Variants in APBB1IP observed in about 807,000 individuals in gnomAD.
APBB1IP encodes the protein amyloid beta precursor protein binding family B member 1 interacting protein.
APBB1IP carries 27 observed loss-of-function variants against 64.9 expected under a neutral mutation model. The ratio of observed to expected loss-of-function variants is 0.42; its 90% CI spans 0.31 to 0.57. APBB1IP has a LOEUF of 0.57. APBB1IP is among the 20% of genes least tolerant of loss of function. The pLI is 0.20. For missense variants in APBB1IP, 812 were observed against 845.5 expected (o/e 0.96, Z 0.49); for synonymous variants, 392 against 331.0 (o/e 1.18, Z -2.00).
In APBB1IP at chr10:26,522,187, T is replaced by C. The variant is rs117190543; in HGVS notation, c.813+8527T>C. On this transcript the variant is annotated intron_variant, in intron 8 of 14. Coordinates refer to ENST00000376236, the MANE Select transcript of APBB1IP (RefSeq NM_019043.4). Reference sequence around the variant, plus strand: ...CACCATCATCTTTTTAAGAAGCACATGAATAAGTTTTTATTTTTTTTATAG... The same window carrying C: ...CACCATCATCTTTTTAAGAAGCACACGAATAAGTTTTTATTTTTTTTATAG... 4.0e-3 allele frequency among the ~76,000 whole-genome samples: 547 copies of C among 136,446 alleles called. 3 individuals carry two copies. The highest frequency in any genetic ancestry group is 6.6e-3 in the Non-Finnish European group (420 of 63,192). The allele number at this position is 136,446 out of a possible 152,430, so 89.5% of individuals were successfully genotyped here. A position where few individuals can be genotyped will look rare whatever the true frequency, so the allele number is the denominator to read the frequency against.
At chr10:26,459,565 G>T (rs1010595143) in intron 2 of APBB1IP, among the ~76,000 whole-genome samples, 1 of 152,178 alleles carries the variant, frequency 6.6e-6, no homozygotes, top group Non-Finnish European at 1.5e-5. Flanking sequence ...CAGTGTAAAA[G>T]TGTTCCTATT....
chr10:26,534,497 C>A (rs1376375070), intron 9 of APBB1IP, among the ~76,000 whole-genome samples: 1 of 152,068 alleles, frequency 6.6e-6, no homozygotes, highest in Non-Finnish European at 1.5e-5. Flanking sequence ...ATCAGAAGAC[C>A]TGGTGATGCC....
intron 6 of APBB1IP, among the ~76,000 whole-genome samples, chr10:26,510,808 A>AAAAAGG (rs1836248186): frequency 6.6e-6 from 1 of 151,584 alleles, no homozygotes; most frequent in Non-Finnish European, 1.5e-5. Context: ...GTGCCTGCAA[A>AAAAAGG]ACAGCTTATT....
intron 14 of APBB1IP, 79 bp downstream of exon 14, chr10:26,562,508 A>C: frequency 7.9e-7 from 1 of 1,267,414 alleles, no homozygotes; most frequent in Non-Finnish European, 1.1e-6. Flanking sequence ...TCTTTTAAAA[A>C]GAGAAAATAA....
chr10:26,505,076 T>C (rs1371587945), intron 6 of APBB1IP, among the ~76,000 whole-genome samples: 1 of 152,176 alleles, frequency 6.6e-6, no homozygotes, highest in Non-Finnish European at 1.5e-5. Flanking sequence ...TTTCAACTCC[T>C]GAAGCAAATA....
intron 11 of APBB1IP, among the ~76,000 whole-genome samples, chr10:26,558,715 T>C (rs1414544117): frequency 6.6e-6 from 1 of 151,908 alleles, no homozygotes; most frequent in African/African-American, 2.4e-5. Flanking sequence ...AGTTAGAGGC[T>C]GCAGTGAGCC....
chr10:26,525,516 C>G (rs1208240276), intron 8 of APBB1IP, among the ~76,000 whole-genome samples: 5 of 152,068 alleles, frequency 3.3e-5, no homozygotes, highest in African/African-American at 9.7e-5. Flanking sequence ...CTCTCTTGCA[C>G]AGGGGATGTG....
intron 2 of APBB1IP, among the ~76,000 whole-genome samples, chr10:26,464,707 A>G (rs1835629302): frequency 6.6e-6 from 1 of 152,178 alleles, no homozygotes; most frequent in Non-Finnish European, 1.5e-5. Flanking sequence ...CCATGCCCAG[A>G]CCATAATAAT....
intron 11 of APBB1IP, among the ~76,000 whole-genome samples, chr10:26,547,123 T>C (rs1836775610): frequency 6.6e-6 from 1 of 152,248 alleles, no homozygotes; most frequent in African/African-American, 2.4e-5. Context: ...ATTGTAGTTT[T>C]GATTTGCATT....
chr10:26,547,224 T>C (rs1836777106), intron 11 of APBB1IP, among the ~76,000 whole-genome samples: 1 of 152,190 alleles, frequency 6.6e-6, no homozygotes, highest in African/African-American at 2.4e-5. Context: ...ACGTCTTTTG[T>C]CCATTTTTTA....
chr10:26,527,324 A>G (rs1836486985), intron 8 of APBB1IP, among the ~76,000 whole-genome samples: 1 of 152,132 alleles, frequency 6.6e-6, no homozygotes, highest in Non-Finnish European at 1.5e-5. Context: ...GAGCAGGAGG[A>G]TCACTTGAAA....
At chr10:26,536,965 C>T (rs1836632913) in intron 10 of APBB1IP, among the ~76,000 whole-genome samples, 1 of 152,044 alleles carries the variant, frequency 6.6e-6, no homozygotes, top group African/African-American at 2.4e-5. Flanking sequence ...ATTTTAAAAT[C>T]ATTCTCTGAG....
intron 10 of APBB1IP, among the ~76,000 whole-genome samples, chr10:26,539,599 G>A (rs938513391): frequency 2.0e-5 from 3 of 152,060 alleles, no homozygotes; most frequent in Non-Finnish European, 2.9e-5. Context: ...AAATTATAAC[G>A]GAGAAAAATG....
At chr10:26,562,730 AAGGCGGC>A (rs1302873246) in intron 14 of APBB1IP, among the ~76,000 whole-genome samples, 2 of 152,108 alleles carry the variant, frequency 1.3e-5, no homozygotes, top group Non-Finnish European at 2.9e-5. Flanking sequence ...CCAGGAGGTT[AAGGCGGC>A]AGTGATCTGT....
chr10:26,459,388 G>T (rs947978395), intron 2 of APBB1IP, among the ~76,000 whole-genome samples: 1 of 151,916 alleles, frequency 6.6e-6, no homozygotes, highest in Non-Finnish European at 1.5e-5. Flanking sequence ...GAATAGTGCC[G>T]CAATAAACAT....
chr10:26,521,449 T>C (rs1836400428), intron 8 of APBB1IP, among the ~76,000 whole-genome samples: 1 of 152,192 alleles, frequency 6.6e-6, no homozygotes. Context: ...GGAGCGTTGC[T>C]GGGATCATGA....
intron 10 of APBB1IP, among the ~76,000 whole-genome samples, chr10:26,541,269 G>A (rs1836693247): frequency 1.3e-5 from 2 of 152,174 alleles, no homozygotes; most frequent in Non-Finnish European, 2.9e-5. Flanking sequence ...TCAGATCAAG[G>A]TAATTAGCAC....
In APBB1IP at chr10:26,496,394, A is replaced by G. The variant is rs745583284; in HGVS notation, c.160+3A>G. On this transcript the variant is annotated splice_donor_region_variant and intron_variant, in intron 4 of 14. Coordinates refer to ENST00000376236, the MANE Select transcript of APBB1IP (RefSeq NM_019043.4). ...TGTGGGGTTTAAAGATTTAAATGGTAAGCATAACAATTTCTTTTCTTAAGT... is the reference window on the plus strand; with the variant it reads ...TGTGGGGTTTAAAGATTTAAATGGTGAGCATAACAATTTCTTTTCTTAAGT... 1.2e-5 allele frequency: 19 copies of G among 1,596,638 alleles called. No individual in the cohort carries two copies. The Admixed American group carries it at 3.0e-4, about 25-fold the overall frequency.
chr10:26,440,824 A>G (rs1215610249), intron 2 of APBB1IP, among the ~76,000 whole-genome samples: 3 of 152,218 alleles, frequency 2.0e-5, no homozygotes, highest in Non-Finnish European at 4.4e-5. Context: ...TATAAAGTTC[A>G]TTGCCATAAA....
Sources: gnomAD v4.1 joint callset for allele counts (sites outside exome capture counted in the v4.1 genomes callset) on GRCh38, gnomAD v4.1.1 for gene constraint, MANE v1.5 for transcripts, NCBI Gene and HGNC (gene_info 2026-07-23, HGNC 2026-07-21) for gene names.